The following CPEB3 variants were observed in gnomAD, a reference collection of about 807,000 sequenced individuals.
CPEB3 encodes the protein cytoplasmic polyadenylation element-binding protein 3.
A neutral mutation model predicts 67.2 loss-of-function variants in CPEB3; 20 were observed. The observed-to-expected ratio is 0.30, with a 90% CI of 0.21 to 0.43. The LOEUF is 0.43. Among genes scored for constraint, CPEB3 ranks in the 20% least tolerant of loss-of-function variants. CPEB3 has a pLI of 1.00. For synonymous variants in CPEB3, 376 were observed against 393.1 expected (o/e 0.96, Z 0.51); for missense variants, 746 against 968.6 (o/e 0.77, Z 3.05).
At chr10:92,241,748 T>C (rs150554709) in intron 1 of CPEB3, among the ~76,000 whole-genome samples, 73 of 152,312 alleles carry the variant, frequency 4.8e-4, no homozygotes, top group African/African-American at 1.4e-3. Flanking sequence ...AGCTTGTCCT[T>C]AGAACATGTT....
At chr10:92,184,738 A>G (rs1180054003) in intron 3 of CPEB3, among the ~76,000 whole-genome samples, 1 of 152,212 alleles carries the variant, frequency 6.6e-6, no homozygotes. Context: ...CAGCATCTTT[A>G]AGCTGGTTTC....
At chr10:92,065,920 C>A (rs910788033) in intron 9 of CPEB3, among the ~76,000 whole-genome samples, 12 of 151,774 alleles carry the variant, frequency 7.9e-5, no homozygotes, top group African/African-American at 2.9e-4. Flanking sequence ...ATGCTGAGAC[C>A]CCCCCTCTCT....
At chr10:92,132,661 G>C (rs1247346708) in intron 6 of CPEB3, among the ~76,000 whole-genome samples, 1 of 152,280 alleles carries the variant, frequency 6.6e-6, no homozygotes, top group Non-Finnish European at 1.5e-5. Flanking sequence ...TCTGCACCAA[G>C]CAGAACTAAT....
At chr10:92,241,241 T>C (rs1332241435) in intron 1 of CPEB3, among the ~76,000 whole-genome samples, 1 of 145,262 alleles carries the variant, frequency 6.9e-6, no homozygotes, top group Non-Finnish European at 1.5e-5. Flanking sequence ...AGAATTTCTC[T>C]GCAGAGTGGA....
chr10:92,240,289 C>CGCTGCTGCT lies in CPEB3; in HGVS notation c.53_61dup (p.Gln18_Gln20dup). ...CTCAGGTTGGGGCTGCTGCTGCTGC[C>CGCTGCTGCT]GCTGCTGCTGCTGGGGCTGGGGCTG... On this transcript the variant is annotated inframe_insertion, in exon 2 of 10. Coordinates refer to ENST00000265997, the MANE Select transcript of CPEB3 (RefSeq NM_014912.5). 2 of 1,515,006 alleles carry CGCTGCTGCT rather than the reference C, an allele frequency of 1.3e-6. No homozygotes were observed. Among genetic ancestry groups the CGCTGCTGCT allele is most frequent in the Non-Finnish European group, 1.8e-6 (2 of 1,130,064 alleles). The allele number at this position is 1,515,006 out of a possible 1,614,324, so 93.8% of individuals were successfully genotyped here.
At chr10:92,121,784 G>A (rs1845403022) in intron 6 of CPEB3, among the ~76,000 whole-genome samples, 2 of 152,244 alleles carry the variant, frequency 1.3e-5, no homozygotes, top group African/African-American at 2.4e-5. Flanking sequence ...AGAAGGAAAG[G>A]TCCATGGCCT....
At chr10:92,092,863 A>T (rs1843680781) in intron 7 of CPEB3, among the ~76,000 whole-genome samples, 1 of 152,190 alleles carries the variant, frequency 6.6e-6, no homozygotes, top group Admixed American at 6.5e-5. Context: ...GCAAGCTTCA[A>T]AGTTTAAGTA....
intron 1 of CPEB3, among the ~76,000 whole-genome samples, chr10:92,279,306 C>G (rs1842150659): frequency 6.6e-6 from 1 of 152,126 alleles, no homozygotes; most frequent in African/African-American, 2.4e-5. Context: ...TGCTTCAGGG[C>G]CCAAAATGTT....
intron 2 of CPEB3, among the ~76,000 whole-genome samples, chr10:92,211,864 C>T (rs1179224649): frequency 1.4e-5 from 2 of 145,310 alleles, no homozygotes; most frequent in Non-Finnish European, 3.0e-5. Context: ...GTTCTAAGAT[C>T]ATATATCTTT....
chr10:92,105,786 A>C (rs855710), intron 7 of CPEB3, among the ~76,000 whole-genome samples: 101,578 of 147,720 alleles, frequency 0.69, 36,521 homozygotes, highest in African/African-American at 0.91. Flanking sequence ...GCAGCCCAAT[A>C]TCAGCTCACT....
chr10:92,270,612 G>C (rs1301863431), intron 1 of CPEB3, among the ~76,000 whole-genome samples: 1 of 145,688 alleles, frequency 6.9e-6, no homozygotes, highest in Non-Finnish European at 1.5e-5. Flanking sequence ...GCCCAGGCTA[G>C]AGTGCAGTGG....
At chr10:92,256,954 C>G (rs1397485095) in intron 1 of CPEB3, among the ~76,000 whole-genome samples, 6 of 152,220 alleles carry the variant, frequency 3.9e-5, no homozygotes, top group African/African-American at 1.4e-4. Flanking sequence ...CATAGAGATA[C>G]TGGATAAAAG....
chr10:92,221,970 T>C (rs1341664310), intron 2 of CPEB3, among the ~76,000 whole-genome samples: 1 of 152,206 alleles, frequency 6.6e-6, no homozygotes, highest in East Asian at 1.9e-4. Flanking sequence ...TTGGACTTTC[T>C]AGCCTCTATA....
At chr10:92,127,146 G>A (rs1845639668) in intron 6 of CPEB3, among the ~76,000 whole-genome samples, 1 of 152,104 alleles carries the variant, frequency 6.6e-6, no homozygotes, top group Non-Finnish European at 1.5e-5. Flanking sequence ...AATAAAATGA[G>A]GGTAAAAAAG....
intron 9 of CPEB3, among the ~76,000 whole-genome samples, chr10:92,075,460 CAGAT>C (rs1441869921): frequency 6.6e-6 from 1 of 152,106 alleles, no homozygotes; most frequent in Admixed American, 6.5e-5. Context: ...TGTTCTAAAA[CAGAT>C]AGTGATGGCT....
At chr10:92,151,555 A>T (rs992495268) in intron 4 of CPEB3, among the ~76,000 whole-genome samples, 1 of 152,222 alleles carries the variant, frequency 6.6e-6, no homozygotes, top group Non-Finnish European at 1.5e-5. Flanking sequence ...GAACAGGAGA[A>T]TCCCTTTTAT....
rs1477476615 is a variant in CPEB3 at position 92,115,606 on chromosome 10, A to C, written c.1454-4412T>G. The stretch of plus-strand genomic sequence containing the variant: ...AAAATAGTCTGGGTCAAAGTGAAAC[A>C]TTTAATTGTGTTCATTATTCCTGTT... On this transcript the variant is annotated intron_variant, in intron 6 of 9. Coordinates refer to ENST00000265997, the MANE Select transcript of CPEB3 (RefSeq NM_014912.5). Among the ~76,000 whole-genome samples, 14 of 152,310 alleles carry C rather than the reference A, an allele frequency of 9.2e-5. No homozygotes were observed. In the South Asian group the frequency reaches 2.3e-3, roughly 25 times the overall value.
chr10:92,189,061 A>G (rs1848834659), intron 3 of CPEB3, among the ~76,000 whole-genome samples: 1 of 152,224 alleles, frequency 6.6e-6, no homozygotes, highest in African/African-American at 2.4e-5. Context: ...AGTTGAATAA[A>G]GAGATTTTTT....
intron 2 of CPEB3, among the ~76,000 whole-genome samples, chr10:92,234,795 C>T (rs771106458): frequency 4.6e-5 from 7 of 151,936 alleles, no homozygotes; most frequent in South Asian, 4.2e-4. Flanking sequence ...CATGGTAGCA[C>T]GCACCTGTAA....
Sources: gnomAD v4.1 joint callset for allele counts (sites outside exome capture counted in the v4.1 genomes callset) on GRCh38, gnomAD v4.1.1 for gene constraint, MANE v1.5 for transcripts, NCBI Gene and HGNC (gene_info 2026-07-23, HGNC 2026-07-21) for gene names.